The following TMEM117 variants were observed in gnomAD, a reference collection of about 807,000 sequenced individuals.
TMEM117 encodes transmembrane protein 117.
A neutral mutation model predicts 52.4 loss-of-function variants in TMEM117; 27 were observed. The observed-to-expected ratio is 0.51, with a 90% CI of 0.38 to 0.71. The LOEUF is 0.71. Among genes scored for constraint, TMEM117 ranks in the 30% least tolerant of loss-of-function variants. The pLI is 0.00. For synonymous variants in TMEM117, 215 were observed against 206.3 expected (o/e 1.04, Z -0.36); for missense variants, 556 against 630.5 (o/e 0.88, Z 1.26).
chr12:44,230,681 G>A (rs767151193), intron 5 of TMEM117, among the ~76,000 whole-genome samples: 2 of 151,868 alleles, frequency 1.3e-5, no homozygotes, highest in Non-Finnish European at 2.9e-5. Context: ...ATCATCAATT[G>A]GCTCCCCTGT....
chr12:43,884,065 G>T (rs1231153507), intron 2 of TMEM117, among the ~76,000 whole-genome samples: 1 of 151,342 alleles, frequency 6.6e-6, no homozygotes, highest in Admixed American at 6.6e-5. Context: ...GGGCACAGAA[G>T]GTCAAGGCTG....
At chr12:44,267,282 T>C (rs1412640670) in intron 5 of TMEM117, among the ~76,000 whole-genome samples, 9 of 152,148 alleles carry the variant, frequency 5.9e-5, no homozygotes, top group Admixed American at 5.9e-4. Context: ...TTATCATAAA[T>C]GAAATCTTTT....
In TMEM117 at chr12:44,181,328, CT is replaced by C. The variant is rs1949195401; in HGVS notation, c.511-29958del. Among the ~76,000 whole-genome samples, 4 of 152,062 alleles carry C rather than the reference CT, an allele frequency of 2.6e-5. No individual in the cohort carries two copies. The South Asian group carries it at 8.3e-4, about 31-fold the overall frequency. Reference sequence around the variant, plus strand: ...TGCCTGTTCACTCTGATGGTAGTTTCTTTTGCTATGCAGAAGCTCTTTAGTT... The same window carrying C: ...TGCCTGTTCACTCTGATGGTAGTTTCTTTGCTATGCAGAAGCTCTTTAGTT... On this transcript the variant is annotated intron_variant, in intron 4 of 7. Coordinates refer to ENST00000266534, the MANE Select transcript of TMEM117 (RefSeq NM_032256.3).
the TMEM117 span, among the ~76,000 whole-genome samples, chr12:43,818,498 T>C: frequency 6.6e-6 from 1 of 151,902 alleles, no homozygotes; most frequent in South Asian, 2.1e-4. Flanking sequence ...TGGAGTGTAG[T>C]GGTGCAATCT....
chr12:44,236,470 T>C (rs1295413052), intron 5 of TMEM117, among the ~76,000 whole-genome samples: 12 of 152,156 alleles, frequency 7.9e-5, no homozygotes, highest in African/African-American at 2.4e-5. Context: ...AAAGCTGCCA[T>C]ATCCTTTAAA....
Position 44,208,725 on chromosome 12 carries a change from G to GTTTTT in TMEM117, c.511-2546_511-2542dup, listed in dbSNP as rs5797892. 1.4e-3 allele frequency among the ~76,000 whole-genome samples: 95 copies of GTTTTT among 68,838 alleles called. 3 individuals carry two copies. The highest frequency in any genetic ancestry group is 2.0e-3 in the African/African-American group (39 of 19,396). 45.2% of individuals were successfully genotyped at this position (68,838 alleles called of 152,430 possible). On this transcript the variant is annotated intron_variant, in intron 4 of 7. Coordinates refer to ENST00000266534, the MANE Select transcript of TMEM117 (RefSeq NM_032256.3). ...TCAGCTGCCTGGCATCAGAAAGAAT[G>GTTTTT]TTTTTTTTTTTTTTTTTTTTTTTGC...
chr12:44,035,134 G>C (rs1197828137), intron 3 of TMEM117, among the ~76,000 whole-genome samples: 2 of 152,258 alleles, frequency 1.3e-5, no homozygotes, highest in Admixed American at 6.5e-5. Context: ...GACTTCTCAG[G>C]CTTCATAATT....
chr12:43,945,377 C>T (rs1012627705), intron 3 of TMEM117, among the ~76,000 whole-genome samples: 7 of 152,112 alleles, frequency 4.6e-5, no homozygotes, highest in Non-Finnish European at 8.8e-5. Flanking sequence ...AGTGCAGTGA[C>T]GCGATCTCGG....
At chr12:44,089,393 A>G (rs899705479) in intron 3 of TMEM117, among the ~76,000 whole-genome samples, 2 of 152,132 alleles carry the variant, frequency 1.3e-5, no homozygotes, top group Admixed American at 6.5e-5. Context: ...GACAACCACA[A>G]AGCTCCCCTC....
intron 3 of TMEM117, among the ~76,000 whole-genome samples, chr12:44,098,566 G>A (rs1433840303): frequency 6.6e-6 from 1 of 151,912 alleles, no homozygotes; most frequent in East Asian, 1.9e-4. Context: ...TTTAAAATAT[G>A]GCCATTAGTA....
intron 4 of TMEM117, among the ~76,000 whole-genome samples, chr12:44,203,082 A>G (rs550127760): frequency 6.7e-6 from 1 of 148,438 alleles, no homozygotes; most frequent in South Asian, 2.1e-4. Context: ...GGGGTGAGCC[A>G]CCACACATGG....
intron 2 of TMEM117, among the ~76,000 whole-genome samples, chr12:43,909,492 A>G (rs1159757468): frequency 3.6e-5 from 5 of 138,540 alleles, no homozygotes; most frequent in Non-Finnish European, 7.9e-5. Flanking sequence ...AGAAATAGCT[A>G]AAATCAGAGC....
rs149170556 is a variant in TMEM117 at position 44,074,667 on chromosome 12, A to T, written c.411-68858A>T. ...TGACTTGGGACTTTATCATGATACA[A>T]ATGTATATATATCATATACATTTGG... On this transcript the variant is annotated intron_variant, in intron 3 of 7. Coordinates refer to ENST00000266534, the MANE Select transcript of TMEM117 (RefSeq NM_032256.3). Among the ~76,000 whole-genome samples, 13 of 152,264 alleles carry T rather than the reference A, an allele frequency of 8.5e-5. No homozygotes were observed. In the East Asian group the frequency reaches 2.3e-3, roughly 27 times the overall value.
chr12:44,229,735 C>T (rs1949909381), intron 5 of TMEM117, among the ~76,000 whole-genome samples: 1 of 152,058 alleles, frequency 6.6e-6, no homozygotes, highest in Non-Finnish European at 1.5e-5. Context: ...TTAAGATATC[C>T]TTTGGGAGCC....
intron 3 of TMEM117, among the ~76,000 whole-genome samples, chr12:43,972,283 A>T (rs866356318): frequency 3.3e-5 from 5 of 152,294 alleles, no homozygotes; most frequent in Admixed American, 6.5e-5. Flanking sequence ...CTCATCTCTT[A>T]GTGTGGGGGG....
chr12:43,946,843 T>C (rs1345606609), intron 3 of TMEM117, among the ~76,000 whole-genome samples: 2 of 152,246 alleles, frequency 1.3e-5, no homozygotes, highest in Non-Finnish European at 2.9e-5. Flanking sequence ...AATTTATGTG[T>C]AGCCTAACTA....
intron 6 of TMEM117, among the ~76,000 whole-genome samples, chr12:44,326,934 C>G (rs1043570797): frequency 5.3e-5 from 8 of 152,198 alleles, no homozygotes; most frequent in African/African-American, 1.9e-4. Context: ...ATGTTAAGCT[C>G]TAGTCAAGGC....
intron 6 of TMEM117, among the ~76,000 whole-genome samples, chr12:44,363,997 G>A (rs1951757657): frequency 6.6e-6 from 1 of 152,054 alleles, no homozygotes; most frequent in African/African-American, 2.4e-5. Flanking sequence ...ATGCTGATTT[G>A]CCAGCTTCTC....
At chr12:44,072,453 G>A (rs552716350) in intron 3 of TMEM117, among the ~76,000 whole-genome samples, 10 of 152,160 alleles carry the variant, frequency 6.6e-5, no homozygotes, top group African/African-American at 2.2e-4. Context: ...CAAGAATTAG[G>A]TCCCTGGGTT....
Sources: gnomAD v4.1 joint callset for allele counts (sites outside exome capture counted in the v4.1 genomes callset) on GRCh38, gnomAD v4.1.1 for gene constraint, MANE v1.5 for transcripts, NCBI Gene and HGNC (gene_info 2026-07-23, HGNC 2026-07-21) for gene names.